PINX1: variants seen among roughly 807,000 people sequenced by gnomAD.
PINX1 encodes PIN2/TERF1-interacting telomerase inhibitor 1.
Under a neutral mutation model 25.4 loss-of-function variants are expected in PINX1, and 34 were observed. The ratio of observed to expected loss-of-function variants is 1.34; its 90% CI spans 1.02 to 1.78. The LOEUF is 1.78. Ranked by LOEUF, PINX1 falls within the 40% of genes most tolerant of loss-of-function variation. PINX1 has a pLI of 0.00. For missense variants in PINX1, 592 were observed against 404.9 expected, an observed-to-expected ratio of 1.46 and a Z score of -3.97; for synonymous variants, 197 against 147.7, an observed-to-expected ratio of 1.33 and a Z score of -2.42.
chr8:10,793,383 C>T (rs1213545139), intron 6 of PINX1, among the ~76,000 whole-genome samples: 2 of 152,148 alleles, frequency 1.3e-5, no homozygotes, highest in African/African-American at 2.4e-5. Context: ...CCCAGGGCCA[C>T]GCTGGAAGAA....
rs192617633 is a variant in PINX1 at position 10,794,188 on chromosome 8, G to C, written c.471+26005C>G. Reference sequence around the variant, plus strand: ...AGGGGTATTTTTAGAAATGGGCTCAGATGAACCAAAATATTAATGCTCAAT... The same window carrying C: ...AGGGGTATTTTTAGAAATGGGCTCACATGAACCAAAATATTAATGCTCAAT... On this transcript the variant is annotated intron_variant, in intron 6 of 6. Transcript: ENST00000314787. 3.5e-3 allele frequency among the ~76,000 whole-genome samples: 528 copies of C among 152,242 alleles called. 2 individuals are homozygous for C. The highest frequency in any genetic ancestry group is 0.012 in the African/African-American group (496 of 41,540).
chr8:10,781,302 A>G (rs143187989), intron 6 of PINX1, among the ~76,000 whole-genome samples: 1 of 152,316 alleles, frequency 6.6e-6, no homozygotes, highest in African/African-American at 2.4e-5. Context: ...AATAATGTGG[A>G]TATCACACCA....
intron 6 of PINX1, among the ~76,000 whole-genome samples, chr8:10,767,532 C>T (rs78796810): frequency 6.6e-6 from 1 of 152,112 alleles, no homozygotes; most frequent in Non-Finnish European, 1.5e-5. Flanking sequence ...TGCTGGAATT[C>T]CATAGGGTGA....
At chr8:10,768,487 A>T (rs141316068) in intron 6 of PINX1, among the ~76,000 whole-genome samples, 2 of 152,280 alleles carry the variant, frequency 1.3e-5, no homozygotes, top group Non-Finnish European at 2.9e-5. Context: ...GCTCATCATC[A>T]ACTTCTGGGA....
chr8:10,825,525 G>A (rs1302965036), intron 5 of PINX1: 4 of 523,838 alleles, frequency 7.6e-6, no homozygotes, highest in Non-Finnish European at 1.6e-5. Context: ...AGTGGCTGAA[G>A]ACAACAACCG....
intron 6 of PINX1, among the ~76,000 whole-genome samples, chr8:10,802,554 CA>C (rs1802302179): frequency 6.6e-6 from 1 of 152,194 alleles, no homozygotes; most frequent in South Asian, 2.1e-4. Flanking sequence ...CCAGTATCAA[CA>C]AAAACCTATT....
At position 10,765,587 on chromosome 8, in the gene PINX1, G is replaced by A. The variant is rs1801008075; in HGVS notation, c.801C>T (p.Asp267=). The change falls in exon 7 of 7, where the codon GAC becomes GAT. Residue 267 remains aspartate, a synonymous_variant. Transcript: ENST00000314787. ...CCTGAGCAGAGGCCTTGGAACTCTG[G>A]TCCCAGCAGGGGCCTCTGAGCTGCT... ...AEEQLRGPCW[D]QSSKASAQDA... is the part of the protein sequence containing the mutation. 6.2e-7 allele frequency: 1 copy of A among 1,613,632 alleles called. No homozygotes were observed. The highest frequency in any genetic ancestry group is 8.5e-7 in the Non-Finnish European group (1 of 1,179,858).
intron 6 of PINX1, among the ~76,000 whole-genome samples, chr8:10,776,260 T>C (rs1801390449): frequency 6.6e-6 from 1 of 151,946 alleles, no homozygotes; most frequent in Non-Finnish European, 1.5e-5. Context: ...ACCGCATCTC[T>C]ACTAAAAATA....
intron 1 of PINX1, among the ~76,000 whole-genome samples, chr8:10,836,683 T>A (rs1014707442): frequency 3.8e-4 from 47 of 123,164 alleles, no homozygotes; most frequent in African/African-American, 1.4e-3. Flanking sequence ...CAAACAAGGA[T>A]GTTGGGGGGG....
At chr8:10,780,815 A>AATCCC (rs1801562493) in intron 6 of PINX1, among the ~76,000 whole-genome samples, 1 of 152,222 alleles carries the variant, frequency 6.6e-6, no homozygotes, top group Admixed American at 6.5e-5. Flanking sequence ...AATCTGCCAA[A>AATCCC]ATCCCAACGG....
Position 10,774,942 on chromosome 8 carries a change from C to T in PINX1, c.472-9026G>A, listed in dbSNP as rs140944733. Among the ~76,000 whole-genome samples the T allele has an allele frequency of 4.2e-3, 639 of 151,840 alleles. 3 individuals carry two copies. Among genetic ancestry groups the T allele is most frequent in the African/African-American group, 0.015 (604 of 41,304 alleles). On this transcript the variant is annotated intron_variant, in intron 6 of 6. Coordinates refer to ENST00000314787, the MANE Select transcript of PINX1 (RefSeq NM_017884.6). Reference sequence around the variant, plus strand: ...AAAGAGTAAATGATATAAAATAATACATCAGACAGTGTTCTTATCACAATA... The same window carrying T: ...AAAGAGTAAATGATATAAAATAATATATCAGACAGTGTTCTTATCACAATA...
chr8:10,797,135 G>A (rs993378986), intron 6 of PINX1, among the ~76,000 whole-genome samples: 2 of 152,104 alleles, frequency 1.3e-5, no homozygotes, highest in Non-Finnish European at 2.9e-5. Context: ...GCCGTGGAGG[G>A]AGAAGGGCCT....
At chr8:10,818,429 C>T (rs1185558895) in intron 6 of PINX1, among the ~76,000 whole-genome samples, 2 of 152,170 alleles carry the variant, frequency 1.3e-5, no homozygotes, top group African/African-American at 2.4e-5. Flanking sequence ...AGAAATCTGC[C>T]AGAGGATCAG....
intron 1 of PINX1, among the ~76,000 whole-genome samples, chr8:10,835,159 G>A (rs367626275): frequency 2.0e-5 from 3 of 152,186 alleles, no homozygotes; most frequent in East Asian, 3.8e-4. Flanking sequence ...AGCTTCCATT[G>A]CCATGCGTTA....
chr8:10,839,785 T>C lies in PINX1; in HGVS notation c.-29A>G. ...GGAGAGCCTGTGATACCGCCGCCTC[T>C]GGACCTGGGTGACTGCGGCCACTGG... On this transcript the variant is annotated 5_prime_UTR_variant, in exon 1 of 7. Coordinates refer to ENST00000314787, the MANE Select transcript of PINX1 (RefSeq NM_017884.6). 2 of 1,596,050 alleles carry C rather than the reference T, an allele frequency of 1.3e-6. No homozygotes were observed. The highest frequency in any genetic ancestry group is 1.7e-6 in the Non-Finnish European group (2 of 1,170,366).
chr8:10,780,430 T>A (rs2129073674), intron 6 of PINX1, among the ~76,000 whole-genome samples: 1 of 152,316 alleles, frequency 6.6e-6, no homozygotes, highest in African/African-American at 2.4e-5. Flanking sequence ...CAATAAAGGA[T>A]GCTGAATGCT....
intron 6 of PINX1, among the ~76,000 whole-genome samples, chr8:10,816,792 C>A (rs971372902): frequency 6.6e-6 from 1 of 151,858 alleles, no homozygotes; most frequent in Non-Finnish European, 1.5e-5. Flanking sequence ...GGCAGGACTG[C>A]TGTATTATCG....
intron 6 of PINX1, among the ~76,000 whole-genome samples, chr8:10,801,143 AGTG>A (rs1802252266): frequency 6.6e-6 from 1 of 152,224 alleles, no homozygotes; most frequent in Non-Finnish European, 1.5e-5. Context: ...CAAAAACCTC[AGTG>A]AACTCTTCTT....
At chr8:10,791,426 G>T (rs1801918863) in intron 6 of PINX1, among the ~76,000 whole-genome samples, 2 of 152,172 alleles carry the variant, frequency 1.3e-5, no homozygotes, top group Non-Finnish European at 2.9e-5. Context: ...GAAGTGACCA[G>T]CTTAGGGATG....
Sources: allele counts gnomAD v4.1 joint callset (sites outside exome capture counted in the v4.1 genomes callset), GRCh38; gene constraint gnomAD v4.1.1; transcripts MANE v1.5; gene names NCBI Gene and HGNC (gene_info 2026-07-23, HGNC 2026-07-21).